Variants in ITPKB observed in about 807,000 individuals in gnomAD.
ITPKB encodes inositol-trisphosphate 3-kinase B.
Under a neutral mutation model 69.4 loss-of-function variants are expected in ITPKB, and 13 were observed. The ratio of observed to expected loss-of-function variants is 0.19; its 90% CI spans 0.12 to 0.30. ITPKB has a LOEUF of 0.30. ITPKB is among the 10% of genes least tolerant of loss of function. ITPKB has a pLI of 1.00. For missense variants in ITPKB, 1,240 were observed against 1,250.5 expected (o/e 0.99, Z 0.13); for synonymous variants, 584 against 513.7 (o/e 1.14, Z -1.85).
Position 226,724,070 on chromosome 1 carries a change from G to A in ITPKB, c.1932+11457C>T, listed in dbSNP as rs138699225. Among the ~76,000 whole-genome samples, 22 of 152,176 alleles carry A rather than the reference G, an allele frequency of 1.4e-4. No homozygotes were observed. The East Asian group carries it at 3.5e-3, about 24-fold the overall frequency. Reference sequence around the variant, plus strand: ...TCTATTCCACCCCTGTTCTGCACCCGGTACTTGAGCTGCATTATCTCCTTT... The same window carrying A: ...TCTATTCCACCCCTGTTCTGCACCCAGTACTTGAGCTGCATTATCTCCTTT... On this transcript the variant is annotated intron_variant, in intron 2 of 7. Coordinates refer to ENST00000429204, the MANE Select transcript of ITPKB (RefSeq NM_002221.4).
chr1:226,716,459 T>C (rs961838111), intron 2 of ITPKB, among the ~76,000 whole-genome samples: 14 of 152,336 alleles, frequency 9.2e-5, no homozygotes, highest in African/African-American at 3.4e-4. Context: ...GGATGTGCAG[T>C]TTTGTTACAT....
Position 226,642,682 on chromosome 1 carries a change from G to C in ITPKB, c.2247-557C>G, listed in dbSNP as rs1668985522. Among the ~76,000 whole-genome samples, 1 of 152,004 alleles carries C rather than the reference G, an allele frequency of 6.6e-6. No individual in the cohort carries two copies. The highest frequency in any genetic ancestry group is 1.5e-5 in the Non-Finnish European group (1 of 67,998). On this transcript the variant is annotated intron_variant, in intron 4 of 7. Transcript: ENST00000429204. The surrounding 1 kb of genome is among the most constrained non-coding windows in gnomAD (Gnocchi z 6.4). ...GATCCTGCTGCTACGGTGGAGCTAA[G>C]AGAGGGGACTGGGGGCAGGGTCTAC...
intron 2 of ITPKB, among the ~76,000 whole-genome samples, chr1:226,710,623 G>A (rs1018918423): frequency 2.6e-5 from 4 of 152,304 alleles, no homozygotes; most frequent in East Asian, 1.9e-4. Flanking sequence ...CCACACACCT[G>A]CCTGGGCAGA....
rs147633979 is a variant in ITPKB, at chr1:226,706,021, G to C, written c.1932+29506C>G. Among the ~76,000 whole-genome samples, 668 of 152,294 alleles carry C rather than the reference G, an allele frequency of 4.4e-3. 8 individuals are homozygous for C. Among genetic ancestry groups the C allele is most frequent in the Non-Finnish European group, 4.5e-3 (309 of 68,018 alleles). On this transcript the variant is annotated intron_variant, in intron 2 of 7. Coordinates refer to ENST00000429204, the MANE Select transcript of ITPKB (RefSeq NM_002221.4). The stretch of plus-strand genomic sequence containing the variant: ...TTGCCTCTTATTCCAAGCTGCTAAA[G>C]GGCTGGAAGAGGAGGCTGAGGGTCA...
Position 226,735,869 on chromosome 1 carries a change from C to G in ITPKB, c.1590G>C (p.Gly530=), listed in dbSNP as rs1160009083. The G allele has an allele frequency of 1.9e-6, 3 of 1,607,650 alleles. No individual in the cohort carries two copies. The highest frequency in any genetic ancestry group is 2.2e-5 in the South Asian group (2 of 90,902). ...WTRGTGVQSE[G]TWESQRQDSD... Reference sequence around the variant, plus strand: ...TGTCCTGCCGCTGGCTTTCCCAAGTCCCCTCTGATTGCACCCCTGTGCCAC... The same window carrying G: ...TGTCCTGCCGCTGGCTTTCCCAAGTGCCCTCTGATTGCACCCCTGTGCCAC... Residue 530 remains glycine, a synonymous_variant, in exon 2 of 8, where the codon GGG becomes GGC. Coordinates refer to ENST00000429204, the MANE Select transcript of ITPKB (RefSeq NM_002221.4).
Position 226,655,324 on chromosome 1 carries a change from C to T in ITPKB, c.1933-6553G>A, listed in dbSNP as rs181009983. On this transcript the variant is annotated intron_variant, in intron 2 of 7. Transcript: ENST00000429204. ...ACTTCACCAAGCTCGGGGCCCTTCT[C>T]ATGCCCTGTGACTGCTCAGCCAGGA... is the stretch of plus-strand genomic sequence containing the variant. Among the ~76,000 whole-genome samples, 297 of 152,372 alleles carry T rather than the reference C, an allele frequency of 1.9e-3. 1 individual carries two copies. The highest frequency in any genetic ancestry group is 3.4e-3 in the Middle Eastern group (1 of 294).
chr1:226,690,188 G>A lies in ITPKB; in HGVS notation c.1933-41417C>T, dbSNP rs116219486. 4.1e-3 allele frequency among the ~76,000 whole-genome samples: 620 copies of A among 152,266 alleles called. 4 individuals carry two copies. Among genetic ancestry groups the A allele is most frequent in the Non-Finnish European group, 4.9e-3 (334 of 68,018 alleles). On this transcript the variant is annotated intron_variant, in intron 2 of 7. Coordinates refer to ENST00000429204, the MANE Select transcript of ITPKB (RefSeq NM_002221.4). ...TCTGTCTTTAGGTCTTTGAGGAATCGCCACAGTCTTCCATAGTGGTTGAAC... is the reference window on the plus strand; with the variant it reads ...TCTGTCTTTAGGTCTTTGAGGAATCACCACAGTCTTCCATAGTGGTTGAAC...
At chr1:226,681,831 C>T (rs1041944505) in intron 2 of ITPKB, among the ~76,000 whole-genome samples, 4 of 152,154 alleles carry the variant, frequency 2.6e-5, no homozygotes, top group Non-Finnish European at 5.9e-5. Flanking sequence ...CTGCCTCCTC[C>T]AAAACAAATG....
Position 226,735,932 on chromosome 1 carries a change from C to A in ITPKB, c.1527G>T (p.Trp509Cys). Residue 509 changes from tryptophan to cysteine, a missense_variant, in exon 2 of 8, where the codon TGG becomes TGT. Coordinates refer to ENST00000429204, the MANE Select transcript of ITPKB (RefSeq NM_002221.4). ...VGVQPGNSRV[W>C]QGTMEKAGLA... ...AACCGGCTTTCTCCATGGTGCCCTG[C>A]CAAACCCTGGAGTTCCCAGGCTGCA... is the stretch of plus-strand genomic sequence containing the variant. The A allele has an allele frequency of 6.2e-7, 1 of 1,614,034 alleles. No individual in the cohort carries two copies. Among genetic ancestry groups the A allele is most frequent in the Non-Finnish European group, 8.5e-7 (1 of 1,179,966 alleles).
chr1:226,641,786 G>T lies in ITPKB; in HGVS notation c.2451+135C>A. The T allele has an allele frequency of 1.3e-6, 1 of 784,878 alleles. No homozygotes were observed. Among genetic ancestry groups the T allele is most frequent in the Non-Finnish European group, 2.1e-6 (1 of 486,612 alleles). The allele number at this position is 784,878 out of a possible 1,614,324, so 48.6% of individuals were successfully genotyped here. A position where few individuals can be genotyped will look rare whatever the true frequency, so the allele number is the denominator to read the frequency against. On this transcript the variant is annotated intron_variant, in intron 5 of 7. Coordinates refer to ENST00000429204, the MANE Select transcript of ITPKB (RefSeq NM_002221.4). This position sits in a 1 kb window ranked among gnomAD's most constrained non-coding sequence, Gnocchi z 4.6. ...ATAGGCTGATGTCTCCAAATGTCTG[G>T]CCTTGGGGCGGGCCACCCACATTCT...
intron 1 of ITPKB, 30 bp from the exon 2 acceptor site, chr1:226,737,693 C>T (rs894727615): frequency 7.6e-6 from 6 of 787,260 alleles, no homozygotes; most frequent in South Asian, 1.2e-4. Flanking sequence ...AAAGTCAGGA[C>T]CCTGGAGGGC....
At chr1:226,690,443 G>T (rs980966078) in intron 2 of ITPKB, among the ~76,000 whole-genome samples, 1 of 152,080 alleles carries the variant, frequency 6.6e-6, no homozygotes, top group Non-Finnish European at 1.5e-5. Flanking sequence ...GGGCTGTCAG[G>T]CTCCCAAACT....
chr1:226,726,475 G>T (rs1657416635), intron 2 of ITPKB, among the ~76,000 whole-genome samples: 2 of 152,074 alleles, frequency 1.3e-5, no homozygotes, highest in Non-Finnish European at 2.9e-5. Flanking sequence ...TCAGGAATTC[G>T]AGACCAGCCT....
intron 2 of ITPKB, among the ~76,000 whole-genome samples, chr1:226,674,312 G>T (rs71646796): frequency 6.6e-6 from 1 of 152,004 alleles, no homozygotes; most frequent in Admixed American, 6.5e-5. Context: ...CCAATCTCCT[G>T]CCTCAGCCTC....
At chr1:226,698,995 C>T (rs1345519226) in intron 2 of ITPKB, among the ~76,000 whole-genome samples, 1 of 152,254 alleles carries the variant, frequency 6.6e-6, no homozygotes, top group Admixed American at 6.5e-5. Context: ...GAAGAGGTGG[C>T]AGGCAGGAAC....
At chr1:226,646,049 A>G (rs1208981857) in intron 4 of ITPKB, among the ~76,000 whole-genome samples, 3 of 152,082 alleles carry the variant, frequency 2.0e-5, no homozygotes, top group Non-Finnish European at 4.4e-5. Flanking sequence ...TCTCTCTCTC[A>G]CACACACACC....
Position 226,634,689 on chromosome 1 carries a change from C to CCAGGA in ITPKB, c.2822_2823insTCCTG (p.Gln941HisfsTer41). ...GGGCAGCTCAGGCGAGTGGGGCATC[C>CCAGGA]TGGGACATCTCGGTCAGGATGTCGA... On this transcript the variant is annotated frameshift_variant, in exon 8 of 8. Coordinates refer to ENST00000429204, the MANE Select transcript of ITPKB (RefSeq NM_002221.4). LOFTEE classifies it high-confidence loss of function. The surrounding 1 kb of genome is among the most constrained non-coding windows in gnomAD (Gnocchi z 6.3). 1.2e-6 allele frequency: 1 copy of CCAGGA among 867,036 alleles called. No individual in the cohort carries two copies. The highest frequency in any genetic ancestry group is 2.0e-6 in the Non-Finnish European group (1 of 497,226). 53.7% of individuals were successfully genotyped at this position (867,036 alleles called of 1,614,324 possible).
chr1:226,712,126 G>A (rs760563255), intron 2 of ITPKB, among the ~76,000 whole-genome samples: 2 of 152,134 alleles, frequency 1.3e-5, no homozygotes, highest in Non-Finnish European at 2.9e-5. Flanking sequence ...TTTATATATA[G>A]CACCTGTGTC....
chr1:226,730,731 C>T (rs1404693326), intron 2 of ITPKB, among the ~76,000 whole-genome samples: 1 of 151,894 alleles, frequency 6.6e-6, no homozygotes, highest in Non-Finnish European at 1.5e-5. Flanking sequence ...AAATTGAGAC[C>T]TGACAAAATA....
Sources: gnomAD v4.1 joint callset for allele counts (sites outside exome capture counted in the v4.1 genomes callset) on GRCh38, gnomAD v4.1.1 for gene constraint, Gnocchi (gnomAD v3.1) non-coding constraint, MANE v1.5 for transcripts, NCBI Gene and HGNC (gene_info 2026-07-23, HGNC 2026-07-21) for gene names.